The following MID1 variants were observed in gnomAD, a reference collection of about 807,000 sequenced individuals.
MID1 encodes the protein midline 1.
In MID1, 7 loss-of-function variants were observed where a neutral mutation model predicts 40.4. The observed-to-expected ratio is 0.17, with a 90% CI of 0.10 to 0.33. MID1 has a LOEUF of 0.33. MID1 is among the 10% of genes least tolerant of loss of function. The pLI, the probability that MID1 is intolerant of heterozygous loss-of-function variation, is 1.00. For synonymous variants in MID1, 229 were observed against 221.2 expected, an observed-to-expected ratio of 1.04 and a Z score of -0.31; for missense variants, 367 against 558.5, an observed-to-expected ratio of 0.66 and a Z score of 3.46.
intron 1 of MID1, among the ~76,000 whole-genome samples, chrX:10,577,158 G>A (rs189297061): frequency 6.1e-4 from 68 of 112,016 alleles, no homozygotes; most frequent in African/African-American, 2.0e-3. Flanking sequence ...ACTTGGCAAC[G>A]GGATCTGTAC....
chrX:10,477,466 AT>A (rs1182242597), intron 5 of MID1, among the ~76,000 whole-genome samples: 3 of 112,107 alleles, frequency 2.7e-5, no homozygotes, highest in Non-Finnish European at 5.6e-5. Context: ...ACACCTACAC[AT>A]TTGTTTTTTG....
chrX:10,818,549 C>A (rs1190079047), intron 1 of MID1, among the ~76,000 whole-genome samples: 1 of 112,377 alleles, frequency 8.9e-6, no homozygotes, highest in Non-Finnish European at 1.9e-5. Context: ...TGAAGGAAGT[C>A]TAAACAACTT....
chrX:10,775,140 G>A (rs1278806241), intron 1 of MID1, among the ~76,000 whole-genome samples: 2 of 105,336 alleles, frequency 1.9e-5, no homozygotes, highest in Non-Finnish European at 3.9e-5. Context: ...GGGAGGAGGG[G>A]GAGGGGAGAT....
At chrX:10,536,019 A>G (rs891506506) in intron 2 of MID1, among the ~76,000 whole-genome samples, 9 of 109,751 alleles carry the variant, frequency 8.2e-5, no homozygotes, top group Non-Finnish European at 1.3e-4. Context: ...CAGGAGTTTG[A>G]GACCAGCCTG....
At chrX:10,502,700 T>G (rs1207977926) in intron 3 of MID1, among the ~76,000 whole-genome samples, 2 of 112,064 alleles carry the variant, frequency 1.8e-5, no homozygotes, top group Non-Finnish European at 1.9e-5. Flanking sequence ...CAAGTTTGCC[T>G]AGATTCGGCC....
chrX:10,465,829 C>G (rs1464280728), intron 7 of MID1, among the ~76,000 whole-genome samples: 1 of 111,662 alleles, frequency 9.0e-6, no homozygotes, highest in Non-Finnish European at 1.9e-5. Flanking sequence ...AGAAGAAGAC[C>G]CAGCTCAACT....
intron 1 of MID1, among the ~76,000 whole-genome samples, chrX:10,689,113 T>C (rs1031709209): frequency 9.0e-6 from 1 of 110,867 alleles, no homozygotes; most frequent in Non-Finnish European, 1.9e-5. Flanking sequence ...GTTACACCAC[T>C]GAGGTGTTCA....
At chrX:10,577,286 G>A (rs1271926552) in intron 1 of MID1, among the ~76,000 whole-genome samples, 1 of 112,013 alleles carries the variant, frequency 8.9e-6, no homozygotes, top group Non-Finnish European at 1.9e-5. Context: ...AGCTCCTGGG[G>A]CTGGGAACAG....
intron 7 of MID1, 110 bp from the exon 8 acceptor site, chrX:10,459,917 T>A: frequency 1.2e-6 from 1 of 848,397 alleles, no homozygotes; most frequent in Non-Finnish European, 1.7e-6. Flanking sequence ...GTAAGTGAAG[T>A]GCTTTGTCTT....
At chrX:10,621,847 C>T (rs182493288), upstream of MID1, among the ~76,000 whole-genome samples, 69 of 107,673 alleles carry the variant, frequency 6.4e-4, no homozygotes, top group Non-Finnish European at 1.1e-3. Flanking sequence ...ATTTCTCAAT[C>T]TCAGCACTAT....
intron 1 of MID1, among the ~76,000 whole-genome samples, chrX:10,795,013 C>G (rs1602582442): frequency 9.0e-6 from 1 of 111,592 alleles, no homozygotes; most frequent in East Asian, 2.8e-4. Context: ...GATTTCTCAG[C>G]CTAGGCACTA....
intron 1 of MID1, among the ~76,000 whole-genome samples, chrX:10,758,483 CTT>C (rs1157401550): frequency 1.6e-5 from 1 of 63,873 alleles, no homozygotes; most frequent in Non-Finnish European, 2.6e-5. Flanking sequence ...CTTTTCTTTC[CTT>C]TTTTTTTTTT....
Position 10,454,977 on chromosome X carries a change from A to T in MID1, c.1548T>A (p.Ser516Arg), listed in dbSNP as rs1928564847. The T allele has an allele frequency of 6.6e-6, 8 of 1,209,231 alleles. No homozygotes were observed. The highest frequency in any genetic ancestry group is 9.0e-6 in the Non-Finnish European group (8 of 893,618). The part of the protein sequence containing the change: ...VERDESSSKK[S>R]HTPERFTSQG... ...GGCTGGTGAAGCGTTCAGGTGTGTG[A>T]CTCTTCTTGGATGATGACTCATCAC... The change falls in exon 9 of 10, where the codon AGT (serine) becomes AGA (arginine). Residue 516 changes from serine (S) to arginine (R), a missense_variant. Physicochemically the swap from Ser to Arg is moderately radical, Grantham distance 110 (BLOSUM62 -1). This residue lies in a region of MID1 where 275 missense variants were observed against 383.1 expected (regional missense o/e 0.72). Transcript: ENST00000317552.
At chrX:10,826,327 G>A (rs1478700471) in intron 1 of MID1, among the ~76,000 whole-genome samples, 1 of 111,505 alleles carries the variant, frequency 9.0e-6, no homozygotes, top group East Asian at 2.8e-4. Flanking sequence ...ATTAGTACAA[G>A]CAGATATTAT....
chrX:10,501,684 A>G, intron 3 of MID1: 2 of 533,764 alleles, frequency 3.7e-6, no homozygotes, highest in Non-Finnish European at 5.9e-6. Context: ...ATTAATGCTC[A>G]TATCTGCCAC....
chrX:10,477,571 C>A (rs1414344257), intron 5 of MID1, among the ~76,000 whole-genome samples: 2 of 112,145 alleles, frequency 1.8e-5, no homozygotes, highest in African/African-American at 6.5e-5. Context: ...CATTTTAGGC[C>A]ATGTTTTTAT....
intron 1 of MID1, among the ~76,000 whole-genome samples, chrX:10,771,517 G>T (rs2043769120): frequency 9.3e-6 from 1 of 107,629 alleles, no homozygotes. Flanking sequence ...TTTTGATGGA[G>T]TTTCATTCTT....
intron 1 of MID1, among the ~76,000 whole-genome samples, chrX:10,726,624 T>C (rs963881689): frequency 8.0e-5 from 9 of 112,281 alleles, no homozygotes; most frequent in African/African-American, 1.9e-4. Flanking sequence ...TGAGTGACAA[T>C]TGGCTTTAGA....
chrX:10,465,232 C>T (rs1399708328), intron 7 of MID1, among the ~76,000 whole-genome samples: 10 of 94,134 alleles, frequency 1.1e-4, no homozygotes, highest in Non-Finnish European at 1.7e-4. Flanking sequence ...CACACACACA[C>T]ACACACACAC....
Sources: gnomAD v4.1 joint callset for allele counts (sites outside exome capture counted in the v4.1 genomes callset) on GRCh38, gnomAD v4.1.1 for gene constraint, gnomAD v4.1.1 regional missense constraint, MANE v1.5 for transcripts, NCBI Gene and HGNC (gene_info 2026-07-23, HGNC 2026-07-21) for gene names.